The following ADK variants were observed in gnomAD, a reference collection of about 807,000 sequenced individuals.
ADK encodes N6,N6-dimethyladenosine kinase.
A neutral mutation model predicts 44.7 loss-of-function variants in ADK; 24 were observed. The ratio of observed to expected loss-of-function variants is 0.54; its 90% CI spans 0.39 to 0.76. The LOEUF (loss-of-function observed/expected upper bound fraction) is 0.76. ADK is among the 30% of genes least tolerant of loss of function. The probability of loss-of-function intolerance (pLI) is 0.00; values close to 1 mark genes in which losing one functional copy is unlikely to be tolerated. For synonymous variants in ADK, 128 were observed against 142.6 expected (o/e 0.90, Z 0.73); for missense variants, 321 against 425.1 (o/e 0.76, Z 2.15).
At chr10:74,401,613 CT>C (rs1448279984) in intron 6 of ADK, among the ~76,000 whole-genome samples, 1 of 151,962 alleles carries the variant, frequency 6.6e-6, no homozygotes, top group Non-Finnish European at 1.5e-5. Flanking sequence ...TCCTCCATCC[CT>C]TTATTTTGAG....
At chr10:74,371,172 T>G (rs1842645909) in intron 4 of ADK, among the ~76,000 whole-genome samples, 1 of 152,136 alleles carries the variant, frequency 6.6e-6, no homozygotes, top group Non-Finnish European at 1.5e-5. Flanking sequence ...GTTAGAAAAA[T>G]CAGTCTAGGA....
intron 3 of ADK, among the ~76,000 whole-genome samples, chr10:74,265,532 A>G (rs957455348): frequency 3.9e-5 from 6 of 152,058 alleles, no homozygotes; most frequent in Non-Finnish European, 7.4e-5. Flanking sequence ...AAATGATATT[A>G]TAACCAGCAG....
At chr10:74,184,461 G>T (rs982261098) in intron 1 of ADK, among the ~76,000 whole-genome samples, 2 of 151,258 alleles carry the variant, frequency 1.3e-5, no homozygotes, top group African/African-American at 4.9e-5. Context: ...CTCCAGAGAG[G>T]CTGGGACTAT....
chr10:74,655,299 A>G, intron 9 of ADK: 1 of 464,734 alleles, frequency 2.2e-6, no homozygotes, highest in Admixed American at 3.2e-5. Flanking sequence ...CCCAGCTGAA[A>G]TGATGAAGAA....
intron 4 of ADK, among the ~76,000 whole-genome samples, chr10:74,335,771 C>T (rs1405460462): frequency 6.6e-6 from 1 of 151,996 alleles, no homozygotes; most frequent in Non-Finnish European, 1.5e-5. Context: ...TTTCTACTTC[C>T]CTAATTATGT....
chr10:74,240,803 G>A (rs1392838888), intron 3 of ADK, among the ~76,000 whole-genome samples: 3 of 152,170 alleles, frequency 2.0e-5, no homozygotes, highest in East Asian at 1.9e-4. Flanking sequence ...TTCATGTTTT[G>A]TCTGGGCCTG....
chr10:74,176,893 A>G, intron 1 of ADK: 1 of 1,610,210 alleles, frequency 6.2e-7, no homozygotes, highest in Non-Finnish European at 8.5e-7. Flanking sequence ...TCAGGTAACG[A>G]GCGGGCGGCT....
intron 4 of ADK, among the ~76,000 whole-genome samples, chr10:74,333,768 G>A (rs1254782099): frequency 6.6e-6 from 1 of 152,004 alleles, no homozygotes; most frequent in Non-Finnish European, 1.5e-5. Flanking sequence ...GCTTGAATAG[G>A]TATTGAAGCA....
chr10:74,616,073 A>T (rs1852749369), intron 9 of ADK, among the ~76,000 whole-genome samples: 1 of 151,866 alleles, frequency 6.6e-6, no homozygotes, highest in Non-Finnish European at 1.5e-5. Context: ...GCCCATATTG[A>T]GTTGTCTTAT....
intron 6 of ADK, among the ~76,000 whole-genome samples, chr10:74,507,281 GA>G (rs1386024214): frequency 6.6e-6 from 1 of 152,164 alleles, no homozygotes; most frequent in Non-Finnish European, 1.5e-5. Flanking sequence ...ATAAGCATGT[GA>G]AAAGGCAGCA....
intron 3 of ADK, among the ~76,000 whole-genome samples, chr10:74,297,425 A>C (rs2132503112): frequency 6.6e-6 from 1 of 152,380 alleles, no homozygotes; most frequent in South Asian, 2.1e-4. Context: ...TTTTTAAAAA[A>C]CAATTTAAGA....
chr10:74,482,227 C>A (rs965883317), intron 6 of ADK, among the ~76,000 whole-genome samples: 1 of 152,066 alleles, frequency 6.6e-6, no homozygotes, highest in Non-Finnish European at 1.5e-5. Context: ...AGGAAACTTT[C>A]AATCATGGCA....
rs192015958 is a variant in ADK at position 74,170,933 on chromosome 10, C to T, written c.65+19590C>T. ...TAAAATTATGCATAATCCTACTTTC[C>T]AGAGATAACTAATAACATTTAGGTG... On this transcript the variant is annotated intron_variant, in intron 1 of 10. Coordinates refer to ENST00000539909, the MANE Select transcript of ADK (RefSeq NM_006721.4). 1.1e-4 allele frequency among the ~76,000 whole-genome samples: 16 copies of T among 151,788 alleles called. No homozygotes were observed. The East Asian group carries it at 3.1e-3, about 29-fold the overall frequency.
chr10:74,381,678 G>A (rs1842980168), intron 4 of ADK, among the ~76,000 whole-genome samples: 1 of 152,206 alleles, frequency 6.6e-6, no homozygotes, highest in East Asian at 1.9e-4. Flanking sequence ...AAATTGCAGT[G>A]TTAGGAGATA....
chr10:74,166,302 T>C (rs769735129), intron 1 of ADK, among the ~76,000 whole-genome samples: 43 of 152,252 alleles, frequency 2.8e-4, no homozygotes, highest in Non-Finnish European at 5.9e-4. Context: ...TTAATTAAAA[T>C]GTTCTAGTTA....
chr10:74,248,989 C>G (rs1845538645), intron 3 of ADK, among the ~76,000 whole-genome samples: 1 of 152,170 alleles, frequency 6.6e-6, no homozygotes, highest in South Asian at 2.1e-4. Context: ...TGTATATTTT[C>G]TCATTGCTTT....
intron 3 of ADK, among the ~76,000 whole-genome samples, chr10:74,276,038 C>G (rs538015520): frequency 1.3e-5 from 2 of 152,236 alleles, no homozygotes; most frequent in Admixed American, 1.3e-4. Flanking sequence ...TAGTTTTTAT[C>G]TTTTGATGTA....
At chr10:74,489,678 A>T (rs1564750637) in intron 6 of ADK, among the ~76,000 whole-genome samples, 1 of 147,464 alleles carries the variant, frequency 6.8e-6, no homozygotes, top group Non-Finnish European at 1.5e-5. Context: ...GGATGTCATA[A>T]TTTTTTTTTT....
At chr10:74,217,887 A>G (rs1844126189) in intron 2 of ADK, among the ~76,000 whole-genome samples, 2 of 152,078 alleles carry the variant, frequency 1.3e-5, no homozygotes, top group South Asian at 4.1e-4. Context: ...ACCATCATCA[A>G]AGACCAAAAG....
Sources: allele counts gnomAD v4.1 joint callset (sites outside exome capture counted in the v4.1 genomes callset), GRCh38; gene constraint gnomAD v4.1.1; transcripts MANE v1.5; gene names NCBI Gene and HGNC (gene_info 2026-07-23, HGNC 2026-07-21).